Variants in OXCT1 observed in about 807,000 individuals in gnomAD.
OXCT1 encodes succinyl-CoA:3-ketoacid coenzyme A transferase 1, mitochondrial.
In OXCT1, 27 loss-of-function variants were observed where a neutral mutation model predicts 69.6. The observed-to-expected ratio is 0.39, with a 90% confidence interval of 0.29 to 0.54. OXCT1 has a LOEUF of 0.54. Among genes scored for constraint, OXCT1 ranks in the 20% least tolerant of loss-of-function variants. The pLI is 0.72. For missense variants in OXCT1, 437 were observed against 650.2 expected, an observed-to-expected ratio of 0.67 and a Z score of 3.57; for synonymous variants, 202 against 217.8, an observed-to-expected ratio of 0.93 and a Z score of 0.64.
chr5:41,866,762 G>C (rs1228948497), intron 1 of OXCT1, among the ~76,000 whole-genome samples: 1 of 152,218 alleles, frequency 6.6e-6, no homozygotes, highest in Admixed American at 6.5e-5. Flanking sequence ...CATTGTTATT[G>C]AGGGAACATA....
At chr5:41,750,922 A>G (rs1392677405) in intron 14 of OXCT1, among the ~76,000 whole-genome samples, 1 of 152,170 alleles carries the variant, frequency 6.6e-6, no homozygotes, top group Non-Finnish European at 1.5e-5. Context: ...AGATTTTTAA[A>G]AAAACTATTA....
At chr5:41,771,934 A>G (rs1744889308) in intron 13 of OXCT1, among the ~76,000 whole-genome samples, 1 of 152,216 alleles carries the variant, frequency 6.6e-6, no homozygotes, top group South Asian at 2.1e-4. Flanking sequence ...GGTTCAACCT[A>G]TGTTCTAATG....
intron 7 of OXCT1, 59 bp from the exon 8 acceptor site, chr5:41,807,497 T>A (rs1222525259): frequency 5.1e-6 from 5 of 987,118 alleles, no homozygotes; most frequent in African/African-American, 1.6e-5. Context: ...CATTTTTAAT[T>A]TTTTAAAAAG....
chr5:41,821,206 TAA>T (rs1292139564), intron 7 of OXCT1, among the ~76,000 whole-genome samples: 1 of 152,228 alleles, frequency 6.6e-6, no homozygotes, highest in African/African-American at 2.4e-5. Flanking sequence ...CTCCCACATT[TAA>T]CCAAAGTATT....
chr5:41,786,095 G>A lies in OXCT1; in HGVS notation c.1248+7908C>T, dbSNP rs997136626. Among the ~76,000 whole-genome samples, 6 of 152,178 alleles carry A rather than the reference G, an allele frequency of 3.9e-5. No homozygotes were observed. In the East Asian group the frequency reaches 1.2e-3, roughly 29 times the overall value. ...TTGTCAACAGGATAGCCCAGGAAGA[G>A]GGACTCCACCGGTAAGAGTCTATAT... On this transcript the variant is annotated intron_variant, in intron 13 of 16. Transcript: ENST00000196371.
At chr5:41,743,875 T>G (rs1437653885) in intron 15 of OXCT1, among the ~76,000 whole-genome samples, 2 of 152,202 alleles carry the variant, frequency 1.3e-5, no homozygotes, top group Admixed American at 6.5e-5. Flanking sequence ...CTGTTTTGGT[T>G]ACTGTAGCCT....
intron 3 of OXCT1, among the ~76,000 whole-genome samples, chr5:41,859,866 T>TATATATATATGTA (rs1749637456): frequency 3.2e-5 from 3 of 95,040 alleles, no homozygotes; most frequent in Non-Finnish European, 6.7e-5. Flanking sequence ...AGTATAGTAA[T>TATATATATATGTA]ATATATATAT....
chr5:41,823,536 G>A (rs374773468), intron 7 of OXCT1, among the ~76,000 whole-genome samples: 5 of 152,188 alleles, frequency 3.3e-5, no homozygotes, highest in South Asian at 4.1e-4. Context: ...GTGATTCTCC[G>A]TATTAGCCTG....
At chr5:41,786,306 A>G (rs905859124) in intron 13 of OXCT1, among the ~76,000 whole-genome samples, 2 of 152,190 alleles carry the variant, frequency 1.3e-5, no homozygotes, top group Non-Finnish European at 2.9e-5. Context: ...TCATGGAGCC[A>G]GCAAACAGGA....
chr5:41,813,295 G>A (rs192664162), intron 7 of OXCT1, among the ~76,000 whole-genome samples: 108 of 152,196 alleles, frequency 7.1e-4, no homozygotes, highest in African/African-American at 2.5e-3. Context: ...CAGATAGGTA[G>A]ACAAATACTT....
intron 13 of OXCT1, among the ~76,000 whole-genome samples, chr5:41,773,958 TAC>T (rs1224838650): frequency 5.3e-5 from 8 of 152,216 alleles, no homozygotes; most frequent in African/African-American, 1.9e-4. Context: ...TTAAAGCTAG[TAC>T]ATTCTCAGAT....
rs1338436220 is a variant in OXCT1, at chr5:41,842,746, C to T, written c.600G>A (p.Glu200=). The T allele has an allele frequency of 1.2e-6, 2 of 1,613,736 alleles. No homozygotes were observed. The highest frequency in any genetic ancestry group is 1.7e-5 in the Admixed American group (1 of 60,002). ...REFNGQHFIL[E]EAITGDFALV... ...AAGCAAAATCCCCTGTAATTGCTTC[C>T]TCCAAAATAAAGTGCTGACCATTGA... The change falls in exon 6 of 17, where the codon GAG becomes GAA. Residue 200 remains glutamate, a synonymous_variant. Transcript: ENST00000196371.
chr5:41,759,783 G>A (rs761382183), intron 14 of OXCT1, among the ~76,000 whole-genome samples: 2 of 151,936 alleles, frequency 1.3e-5, no homozygotes, highest in African/African-American at 4.8e-5. Context: ...AGCCCTACCC[G>A]AAAACCAGTT....
At position 41,801,035 on chromosome 5, in the gene OXCT1, A is replaced by G; in HGVS notation, c.1086T>C (p.Asp362=). The change falls in exon 11 of 17, where the codon GAT becomes GAC. Residue 362 remains aspartate (D), a synonymous_variant. Transcript: ENST00000196371. ...PYPRQHEADA[D]LINAGKETVT... ...AAGTGAGCTTACCTGCATTGATGAG[A>G]TCTGCATCAGCTTCATGTTGTCGTG... 6.2e-7 allele frequency: 1 copy of G among 1,612,812 alleles called. No homozygotes were observed. The highest frequency in any genetic ancestry group is 1.1e-5 in the South Asian group (1 of 91,066).
intron 13 of OXCT1, among the ~76,000 whole-genome samples, chr5:41,782,195 T>C (rs1745438175): frequency 6.6e-6 from 1 of 151,832 alleles, no homozygotes; most frequent in Admixed American, 6.6e-5. Flanking sequence ...GATTTGCATT[T>C]CTCTAATGAT....
At chr5:41,766,710 C>T (rs1434063230) in intron 13 of OXCT1, among the ~76,000 whole-genome samples, 1 of 151,984 alleles carries the variant, frequency 6.6e-6, no homozygotes, top group Non-Finnish European at 1.5e-5. Context: ...AAGTACAAAA[C>T]ACACTGAAAA....
chr5:41,852,790 T>C (rs572446786), intron 4 of OXCT1, among the ~76,000 whole-genome samples: 4 of 152,254 alleles, frequency 2.6e-5, no homozygotes, highest in African/African-American at 7.2e-5. Flanking sequence ...TTCATAGAAA[T>C]TGGAGAGGCA....
intron 10 of OXCT1, among the ~76,000 whole-genome samples, chr5:41,801,725 A>G (rs1746433821): frequency 6.6e-6 from 1 of 152,096 alleles, no homozygotes; most frequent in Admixed American, 6.6e-5. Context: ...TCCTCACTAC[A>G]TCTAAGTTTT....
intron 4 of OXCT1, 101 bp downstream of exon 4, chr5:41,853,318 A>T: frequency 9.6e-7 from 1 of 1,040,508 alleles, no homozygotes; most frequent in Non-Finnish European, 1.5e-6. Context: ...GCAAAGTACT[A>T]TTCCTTCTGC....
Sources: gnomAD v4.1 joint callset for allele counts (sites outside exome capture counted in the v4.1 genomes callset) on GRCh38, gnomAD v4.1.1 for gene constraint, MANE v1.5 for transcripts, NCBI Gene and HGNC (gene_info 2026-07-23, HGNC 2026-07-21) for gene names.